PCDHGB4: variants seen among roughly 807,000 people sequenced by gnomAD.
The protein encoded by PCDHGB4 is protocadherin gamma-B4.
Under a neutral mutation model 60.5 loss-of-function variants are expected in PCDHGB4, and 38 were observed. The observed-to-expected ratio is 0.63, with a 90% confidence interval of 0.48 to 0.82. The LOEUF (loss-of-function observed/expected upper bound fraction) is 0.82, where lower values mean the gene tolerates loss of function less well. PCDHGB4 is among the 40% of genes least tolerant of loss of function. The probability of loss-of-function intolerance (pLI) is 0.00; values close to 1 mark genes in which losing one functional copy is unlikely to be tolerated. For missense variants in PCDHGB4, 1,109 were observed against 1,209.6 expected (o/e 0.92, Z 1.23); for synonymous variants, 456 against 509.7 (o/e 0.89, Z 1.42).
At chr5:141,500,094 A>C (rs2099796337) in intron 2 of PCDHGB4, among the ~76,000 whole-genome samples, 1 of 151,860 alleles carries the variant, frequency 6.6e-6, no homozygotes, top group South Asian at 2.1e-4. Context: ...CCATTTTTGC[A>C]ATTTATTTGT....
In PCDHGB4 at chr5:141,432,112, C is replaced by T; in HGVS notation, c.2397+41831C>T. ...CAGACACCAACGACAACCCGCCGGT[C>T]TTCCCTCAGGCCTCCTATTCCGCTT... On this transcript the variant is annotated intron_variant, in intron 1 of 3. Transcript: ENST00000519479. The surrounding 1 kb of genome is among the most constrained non-coding windows in gnomAD (Gnocchi z 6.0). 1 of 1,614,186 alleles carries T rather than the reference C, an allele frequency of 6.2e-7. No individual in the cohort carries two copies. The highest frequency in any genetic ancestry group is 8.5e-7 in the Non-Finnish European group (1 of 1,180,042).
rs759045688 is a variant in PCDHGB4 at position 141,395,208 on chromosome 5, G to C, written c.2397+4927G>C. 5.6e-6 allele frequency: 9 copies of C among 1,613,352 alleles called. No individual in the cohort carries two copies. In the Admixed American group the frequency reaches 1.5e-4, roughly 27 times the overall value. ...TTTGTTAACATCCGTAGATTTTCAT[G>C]AATATAAGAATGAAGCTGATCATGG... On this transcript the variant is annotated intron_variant, in intron 1 of 3. Coordinates refer to ENST00000519479, the MANE Select transcript of PCDHGB4 (RefSeq NM_003736.4).
At chr5:141,433,091 A>C in intron 1 of PCDHGB4, 1 of 1,614,182 alleles carries the variant, frequency 6.2e-7, no homozygotes, top group Non-Finnish European at 8.5e-7. Flanking sequence ...CTATGCAGAC[A>C]TGCTCGTCAG....
intron 1 of PCDHGB4, chr5:141,492,023 C>T: frequency 1.8e-6 from 1 of 564,804 alleles, no homozygotes; most frequent in Non-Finnish European, 3.0e-6. Context: ...TCGGGGGTCC[C>T]GGGAGGAGGC....
At chr5:141,475,892 G>A (rs1279219556) in intron 1 of PCDHGB4, 1 of 568,264 alleles carries the variant, frequency 1.8e-6, no homozygotes, top group Non-Finnish European at 3.1e-6. Context: ...GGGACTCTGT[G>A]TGCCGCTGTC....
rs61612330 is a variant in PCDHGB4, at chr5:141,454,796, A to ATTTTTTTTTTTTTTTTTTTTTTTTTT, written c.2398-40007_2398-39982dup. Among the ~76,000 whole-genome samples, 3 of 77,456 alleles carry ATTTTTTTTTTTTTTTTTTTTTTTTTT rather than the reference A, an allele frequency of 3.9e-5. 1 individual carries two copies. The highest frequency in any genetic ancestry group is 1.2e-4 in the African/African-American group (2 of 16,882). 50.8% of individuals were successfully genotyped at this position (77,456 alleles called of 152,430 possible). A position where few individuals can be genotyped will look rare whatever the true frequency, so the allele number is the denominator to read the frequency against. On this transcript the variant is annotated intron_variant, in intron 1 of 3. Transcript: ENST00000519479. Reference sequence around the variant, plus strand: ...AAGGAAATAATCCTCCATGGTTCTAATTTTTTTTTTTTTTTTTTTTTTTTT... The same window carrying ATTTTTTTTTTTTTTTTTTTTTTTTTT: ...AAGGAAATAATCCTCCATGGTTCTAATTTTTTTTTTTTTTTTTTTTTTTTTTTTTTTTTTTTTTTTTTTTTTTTTTT...
chr5:141,476,180 C>T lies in PCDHGB4; in HGVS notation c.2398-18627C>T. The T allele has an allele frequency of 1.2e-6, 2 of 1,613,664 alleles. No individual in the cohort carries two copies. Among genetic ancestry groups the T allele is most frequent in the East Asian group, 4.5e-5 (2 of 44,838 alleles). On this transcript the variant is annotated intron_variant, in intron 1 of 3. Transcript: ENST00000519479. The surrounding 1 kb of genome is among the most constrained non-coding windows in gnomAD (Gnocchi z 7.6). ...CGGGAGGGTAGTGGGAGTTTTGCTT[C>T]TGCTTGGTGCCTTGAACAAGGCTTC...
intron 1 of PCDHGB4, chr5:141,423,848 G>A: frequency 1.6e-6 from 2 of 1,277,462 alleles, no homozygotes; most frequent in Non-Finnish European, 2.0e-6. Flanking sequence ...TAATCTTTCA[G>A]AACGTTTTTG....
chr5:141,470,490 A>C (rs1193023083), intron 1 of PCDHGB4, among the ~76,000 whole-genome samples: 1 of 152,202 alleles, frequency 6.6e-6, no homozygotes, highest in African/African-American at 2.4e-5. Context: ...TCTGGGAATA[A>C]TATTAGGTAA....
Position 141,389,211 on chromosome 5 carries a change from G to A in PCDHGB4, c.1327G>A (p.Val443Ile). ...CAGCATCACCCTGCACATTGGTGAT[G>A]TAAATGACAACGCTCCGGTTTTCTC... ...SSSITLHIGDVNDNAPVFSQS... is the reference protein window; with the variant it reads ...SSSITLHIGDINDNAPVFSQS... Residue 443 changes from valine (V) to isoleucine (I), a missense_variant, in exon 1 of 4, where the codon GTA becomes ATA. Transcript: ENST00000519479. The A allele has an allele frequency of 1.2e-6, 2 of 1,614,058 alleles. No homozygotes were observed. Among genetic ancestry groups the A allele is most frequent in the South Asian group, 2.2e-5 (2 of 91,082 alleles).
Position 141,413,476 on chromosome 5 carries a change from G to T in PCDHGB4, c.2397+23195G>T, listed in dbSNP as rs566734719. 2.1e-5 allele frequency: 34 copies of T among 1,614,004 alleles called. No homozygotes were observed. The South Asian group carries it at 3.7e-4, about 18-fold the overall frequency. ...CAGGATAGACCGGGAGGAGCTCTGC[G>T]CTCAGAGCGCGCGGTGCGTGGTGAG... On this transcript the variant is annotated intron_variant, in intron 1 of 3. Coordinates refer to ENST00000519479, the MANE Select transcript of PCDHGB4 (RefSeq NM_003736.4).
chr5:141,390,150 C>T lies in PCDHGB4; in HGVS notation c.2266C>T (p.His756Tyr), dbSNP rs768850867. 1 of 1,613,916 alleles carries T rather than the reference C, an allele frequency of 6.2e-7. No homozygotes were observed. Among genetic ancestry groups the T allele is most frequent in the African/African-American group, 1.3e-5 (1 of 74,932 alleles). ...TTATTCCTACAATCTATGTGTTGCA[C>T]ATACAGGAAAGACGGAGTTTAATTT... ...LPYSYNLCVA[H>Y]TGKTEFNFLK... Residue 756 changes from histidine (H) to tyrosine (Y), a missense_variant, in exon 1 of 4, where the codon CAT (histidine) becomes TAT (tyrosine). His to Tyr is a moderately conservative substitution (Grantham distance 83). Around this residue, in one of 2 missense-constraint regions of PCDHGB4, gnomAD observed 1,068 missense variants for 1,089.9 expected, o/e 0.98. Coordinates refer to ENST00000519479, the MANE Select transcript of PCDHGB4 (RefSeq NM_003736.4).
chr5:141,441,547 A>G (rs1393958373), intron 1 of PCDHGB4: 1 of 182,772 alleles, frequency 5.5e-6, no homozygotes, highest in Admixed American at 6.4e-5. Context: ...CAAAGCCTCC[A>G]TAGTGTGCAA....
chr5:141,417,776 C>T (rs2096161387), intron 1 of PCDHGB4: 1 of 1,469,712 alleles, frequency 6.8e-7, no homozygotes, highest in South Asian at 1.4e-5. Context: ...CTCCTCCTGT[C>T]CTGGGCCGAA....
At chr5:141,425,918 CG>C (rs2096903264) in intron 1 of PCDHGB4, among the ~76,000 whole-genome samples, 1 of 152,200 alleles carries the variant, frequency 6.6e-6, no homozygotes, top group Admixed American at 6.5e-5. Context: ...ACAGTCACTA[CG>C]AAAACTCATA....
intron 1 of PCDHGB4, among the ~76,000 whole-genome samples, chr5:141,397,773 T>C (rs2093568087): frequency 1.3e-5 from 2 of 152,218 alleles, no homozygotes; most frequent in African/African-American, 2.4e-5. Context: ...ATTAAGTATA[T>C]GGACGTAAAA....
chr5:141,458,873 C>T (rs1278498446), intron 1 of PCDHGB4, among the ~76,000 whole-genome samples: 2 of 152,148 alleles, frequency 1.3e-5, no homozygotes, highest in African/African-American at 4.8e-5. Context: ...GCTGGGACTA[C>T]AGGCATGCAC....
At chr5:141,503,178 T>C (rs988629461) in intron 2 of PCDHGB4, among the ~76,000 whole-genome samples, 56 of 151,998 alleles carry the variant, frequency 3.7e-4, no homozygotes, top group African/African-American at 1.3e-3. Flanking sequence ...TACTCTATTG[T>C]GTAATTATTT....
chr5:141,392,706 C>T (rs2092579718), intron 1 of PCDHGB4: 1 of 1,289,828 alleles, frequency 7.8e-7, no homozygotes, highest in South Asian at 1.6e-5. Flanking sequence ...TGTTTGGAGG[C>T]ACTCCAGGTT....
Sources: allele counts gnomAD v4.1 joint callset (sites outside exome capture counted in the v4.1 genomes callset), GRCh38; gene constraint gnomAD v4.1.1; regional missense constraint gnomAD v4.1.1; non-coding constraint Gnocchi (gnomAD v3.1); transcripts MANE v1.5; gene names NCBI Gene and HGNC (gene_info 2026-07-23, HGNC 2026-07-21).